ADAMTS13: variants seen among roughly 807,000 people sequenced by gnomAD.
ADAMTS13 encodes A disintegrin and metalloproteinase with thrombospondin motifs 13.
A neutral mutation model predicts 155.1 loss-of-function variants in ADAMTS13; 110 were observed. The observed-to-expected ratio is 0.71, with a 90% CI of 0.61 to 0.83. ADAMTS13 has a LOEUF of 0.83. Among genes scored for constraint, ADAMTS13 ranks in the 40% least tolerant of loss-of-function variants. ADAMTS13 has a pLI of 0.00. For missense variants in ADAMTS13, 1,707 were observed against 1,891.7 expected (o/e 0.90, Z 1.81); for synonymous variants, 758 against 756.4 (o/e 1.00, Z -0.03).
At chr9:133,454,075 T>C (rs960004793) in intron 23 of ADAMTS13, among the ~76,000 whole-genome samples, 1 of 152,144 alleles carries the variant, frequency 6.6e-6, no homozygotes, top group Non-Finnish European at 1.5e-5. Context: ...TGTTGAGATC[T>C]GTCTCCTGTT....
intron 12 of ADAMTS13, among the ~76,000 whole-genome samples, 161 bp downstream of exon 12, chr9:133,437,116 C>T (rs782146297): frequency 1.1e-4 from 17 of 152,128 alleles, no homozygotes; most frequent in Non-Finnish European, 2.4e-4. Context: ...GGCCAGGCCT[C>T]GCTGGTAGAT....
chr9:133,449,301 G>A (rs1842278830), intron 22 of ADAMTS13, among the ~76,000 whole-genome samples: 1 of 152,068 alleles, frequency 6.6e-6, no homozygotes, highest in Non-Finnish European at 1.5e-5. Context: ...CAGAGAACAA[G>A]GCAGACAAAT....
chr9:133,417,738 CT>C, upstream of ADAMTS13: 1 of 1,614,024 alleles, frequency 6.2e-7, no homozygotes, highest in Non-Finnish European at 8.5e-7. Context: ...TTTCCAAAAC[CT>C]TTTTTTCTTC....
In ADAMTS13 at chr9:133,458,961, C is replaced by T. The variant is rs1354117777; in HGVS notation, c.3910-13C>T. The stretch of plus-strand genomic sequence containing the variant: ...TTGTGGCCGGTCCTTCTGGGCTGCC[C>T]CTTTTCTCTCAGATCCGGGACACCC... On this transcript the variant is annotated splice_polypyrimidine_tract_variant and intron_variant, in intron 28 of 28. Coordinates refer to ENST00000355699, the MANE Select transcript of ADAMTS13 (RefSeq NM_139027.6). 4 of 1,611,792 alleles carry T rather than the reference C, an allele frequency of 2.5e-6. No individual in the cohort carries two copies. The highest frequency in any genetic ancestry group is 3.4e-6 in the Non-Finnish European group (4 of 1,179,366).
In ADAMTS13 at chr9:133,425,021, G is replaced by A. The variant is rs986590130; in HGVS notation, c.331-508G>A. ...GCAGGGAAGCACTCCCCCACTAGCC[G>A]CCGTCTCAGAAAGACAAACAAGGCC... On this transcript the variant is annotated intron_variant, in intron 3 of 28. Transcript: ENST00000355699. The surrounding 1 kb of genome is among the most constrained non-coding windows in gnomAD (Gnocchi z 4.6). Among the ~76,000 whole-genome samples the A allele has an allele frequency of 1.3e-5, 2 of 151,972 alleles. No homozygotes were observed. Among genetic ancestry groups the A allele is most frequent in the Non-Finnish European group, 1.5e-5 (1 of 68,016 alleles).
Position 133,454,558 on chromosome 9 carries a change from CCA to C in ADAMTS13, c.3189_3190del (p.Ser1064CysfsTer33), listed in dbSNP as rs782633692. 1 of 1,608,130 alleles carries C rather than the reference CCA, an allele frequency of 6.2e-7. No homozygotes were observed. The highest frequency in any genetic ancestry group is 2.2e-5 in the East Asian group (1 of 44,888). ...TGTGCGGCGCTGGTGCGGCCCGAGG[CCA>C]GTGTCCCCTGTCTCATTGCCGACTG... On this transcript the variant is annotated frameshift_variant, in exon 24 of 29. Transcript: ENST00000355699. LOFTEE classifies it high-confidence loss of function.
chr9:133,442,295 T>G, intron 16 of ADAMTS13, 104 bp from the exon 17 acceptor site: 1 of 1,560,462 alleles, frequency 6.4e-7, no homozygotes, highest in Non-Finnish European at 8.8e-7. Flanking sequence ...GAACGAAAGA[T>G]TATAGGGATG....
upstream of ADAMTS13, among the ~76,000 whole-genome samples, chr9:133,419,197 G>A (rs1398679710): frequency 2.0e-5 from 3 of 152,156 alleles, no homozygotes; most frequent in Non-Finnish European, 4.4e-5. Flanking sequence ...GAGTAACAGG[G>A]AAGTGAGGCT....
At chr9:133,435,193 T>C (rs907826357) in intron 11 of ADAMTS13, among the ~76,000 whole-genome samples, 6 of 148,132 alleles carry the variant, frequency 4.1e-5, no homozygotes, top group Admixed American at 2.0e-4. Flanking sequence ...TTTTTTTTCT[T>C]TTTTTTTTTT....
chr9:133,455,919 C>G (rs912535627), intron 25 of ADAMTS13, 150 bp from the exon 26 acceptor site: 83 of 1,029,450 alleles, frequency 8.1e-5, no homozygotes, highest in Non-Finnish European at 1.1e-4. Flanking sequence ...ATGCAGCCCC[C>G]CTCCCTGTCC....
In ADAMTS13 at chr9:133,440,401, C is replaced by A; in HGVS notation, c.1844C>A (p.Thr615Asn). The A allele has an allele frequency of 6.2e-7, 1 of 1,613,952 alleles. No homozygotes were observed. Among genetic ancestry groups the A allele is most frequent in the Non-Finnish European group, 8.5e-7 (1 of 1,180,030 alleles). ...VAGKMSISPN[T>N]TYPSLLEDGR... is the part of the protein sequence containing the mutation. ...GGGAAGATGAGCATCTCCCCTAACA[C>A]CACCTACCCCTCCCTCCTGGAGGAT... The change falls in exon 16 of 29, where the codon ACC becomes AAC. Residue 615 changes from threonine to asparagine, a missense_variant. This residue lies in a region of ADAMTS13 where 961 missense variants were observed against 1,107.9 expected (regional missense o/e 0.87). Transcript: ENST00000355699. This position sits in a 1 kb window ranked among gnomAD's most constrained non-coding sequence, Gnocchi z 4.3.
upstream of ADAMTS13, among the ~76,000 whole-genome samples, chr9:133,421,228 T>A (rs782648444): frequency 5.4e-4 from 83 of 152,316 alleles, no homozygotes; most frequent in Middle Eastern, 0.01. Flanking sequence ...ATCGTGCCAC[T>A]GCACTCCAGC....
At chr9:133,449,287 A>G (rs1296090111) in intron 22 of ADAMTS13, among the ~76,000 whole-genome samples, 1 of 152,134 alleles carries the variant, frequency 6.6e-6, no homozygotes, top group Non-Finnish European at 1.5e-5. Context: ...GCTAGGGGAC[A>G]CAGCAGAGAA....
chr9:133,416,730 G>T (rs587643623), intron 1 of ADAMTS13, among the ~76,000 whole-genome samples: 1 of 152,324 alleles, frequency 6.6e-6, no homozygotes, highest in South Asian at 2.1e-4. Context: ...CAGCCACCTG[G>T]TTCCCAGCCG....
At chr9:133,417,647 A>G (rs587688545), upstream of ADAMTS13, 4 of 1,613,884 alleles carry the variant, frequency 2.5e-6, no homozygotes, top group Admixed American at 3.3e-5. Flanking sequence ...AGTTTTGAGA[A>G]AAGTCTTCTG....
intron 8 of ADAMTS13, 78 bp downstream of exon 8, chr9:133,430,179 A>T: frequency 6.5e-7 from 1 of 1,528,200 alleles, no homozygotes; most frequent in Non-Finnish European, 8.8e-7. Flanking sequence ...CAAAACGTGC[A>T]TGGTGAGAAC....
At position 133,433,651 on chromosome 9, in the gene ADAMTS13, G is replaced by T. The variant is rs1008437698; in HGVS notation, c.1255G>T (p.Gly419Trp). The change falls in exon 11 of 29, where the codon GGG becomes TGG. Residue 419 changes from glycine to tryptophan, a missense_variant. Physicochemically the swap from Gly to Trp is radical, Grantham distance 184 (BLOSUM62 -2). Around this residue, in one of 3 missense-constraint regions of ADAMTS13, gnomAD observed 733 missense variants for 749.6 expected, o/e 0.98. Transcript: ENST00000355699. Reference sequence around the variant, plus strand: ...GCTGGGCATTTTCAGACCTGCCTTTGGGGGGCGTGCATGTGTTGGTGCTGA... The same window carrying T: ...GCTGGGCATTTTCAGACCTGCCTTTTGGGGGCGTGCATGTGTTGGTGCTGA... ...RQCNNPRPAF[G>W]GRACVGADLQ... The T allele has an allele frequency of 6.2e-7, 1 of 1,613,810 alleles. No homozygotes were observed. Among genetic ancestry groups the T allele is most frequent in the African/African-American group, 1.3e-5 (1 of 74,896 alleles).
At position 133,423,113 on chromosome 9, in the gene ADAMTS13, G is replaced by T; in HGVS notation, c.118G>T (p.Ala40Ser). Reference sequence around the variant, plus strand: ...TTTTGTCTTGCAGAGTTGTCTTCAGGCTTTGGAGCCACAGGCCGTGTCTTC... The same window carrying T: ...TTTTGTCTTGCAGAGTTGTCTTCAGTCTTTGGAGCCACAGGCCGTGTCTTC... Reference protein sequence around the residue: ...PSHFQQSCLQALEPQAVSSYL... With the variant: ...PSHFQQSCLQSLEPQAVSSYL... Residue 40 changes from alanine to serine, a missense_variant, in exon 2 of 29, where the codon GCT becomes TCT. Physicochemically the swap from Ala to Ser is moderately conservative, Grantham distance 99. This residue lies in a region of ADAMTS13 where 733 missense variants were observed against 749.6 expected (regional missense o/e 0.98). Transcript: ENST00000355699. 1.2e-6 allele frequency: 2 copies of T among 1,613,662 alleles called. No homozygotes were observed. Among genetic ancestry groups the T allele is most frequent in the African/African-American group, 2.7e-5 (2 of 74,938 alleles).
At position 133,440,285 on chromosome 9, in the gene ADAMTS13, G is replaced by A. The variant is rs937313662; in HGVS notation, c.1787-59G>A. 5 of 1,606,906 alleles carry A rather than the reference G, an allele frequency of 3.1e-6. No homozygotes were observed. The highest frequency in any genetic ancestry group is 4.3e-6 in the Non-Finnish European group (5 of 1,175,624). On this transcript the variant is annotated intron_variant, in intron 15 of 28. Transcript: ENST00000355699. This position sits in a 1 kb window ranked among gnomAD's most constrained non-coding sequence, Gnocchi z 4.3. ...CCGGGAAGGAGAGTCACTGACATGT[G>A]CCTGTGAGGAGGATGGGTGCTCAGC...
Sources: allele counts gnomAD v4.1 joint callset (sites outside exome capture counted in the v4.1 genomes callset), GRCh38; gene constraint gnomAD v4.1.1; regional missense constraint gnomAD v4.1.1; non-coding constraint Gnocchi (gnomAD v3.1); transcripts MANE v1.5; gene names NCBI Gene and HGNC (gene_info 2026-07-23, HGNC 2026-07-21).